Variants in ACOXL observed in about 807,000 individuals in gnomAD.
ACOXL encodes the protein acyl-coenzyme A oxidase-like protein.
In ACOXL, 70 loss-of-function variants were observed where a neutral mutation model predicts 71.9. That is an observed-to-expected ratio of 0.97 (90% CI 0.80 to 1.19). The LOEUF is 1.19. Among genes scored for constraint, ACOXL ranks in the 50% most tolerant of loss-of-function variants. The pLI is 0.00. For synonymous variants in ACOXL, 253 were observed against 281.6 expected (o/e 0.90, Z 1.02); for missense variants, 703 against 736.3 (o/e 0.95, Z 0.52).
At chr2:110,887,004 T>TGTCTGCA in intron 10 of ACOXL, 1 of 936,664 alleles carries the variant, frequency 1.1e-6, no homozygotes. Flanking sequence ...TGTGGCAAGA[T>TGTCTGCA]GTCTGCAGAG....
intron 16 of ACOXL, among the ~76,000 whole-genome samples, chr2:111,051,505 G>C (rs2066286865): frequency 6.6e-6 from 1 of 152,210 alleles, no homozygotes; most frequent in African/African-American, 2.4e-5. Context: ...GTCTTCTTCT[G>C]TCACCCAGGC....
At chr2:110,764,652 G>T (rs1234972784) in intron 1 of ACOXL, among the ~76,000 whole-genome samples, 1 of 152,162 alleles carries the variant, frequency 6.6e-6, no homozygotes, top group Non-Finnish European at 1.5e-5. Flanking sequence ...GTGAATTTGG[G>T]TGATAATGAT....
intron 3 of ACOXL, among the ~76,000 whole-genome samples, chr2:110,785,880 C>G (rs1683898820): frequency 6.6e-6 from 1 of 152,190 alleles, no homozygotes. Flanking sequence ...TTCACATTCC[C>G]ACCAACAGCA....
At chr2:110,862,489 A>G (rs1694070113) in intron 10 of ACOXL, among the ~76,000 whole-genome samples, 1 of 152,158 alleles carries the variant, frequency 6.6e-6, no homozygotes, top group Non-Finnish European at 1.5e-5. Context: ...AAAAAATTAA[A>G]AAGAAACAGA....
chr2:110,944,378 AG>A (rs2061015831), intron 12 of ACOXL, among the ~76,000 whole-genome samples: 1 of 151,812 alleles, frequency 6.6e-6, no homozygotes, highest in African/African-American at 2.4e-5. Context: ...TTCTAGGTTC[AG>A]GGTTACATTT....
At chr2:110,851,760 G>A (rs1692627371) in intron 10 of ACOXL, among the ~76,000 whole-genome samples, 1 of 152,234 alleles carries the variant, frequency 6.6e-6, no homozygotes, top group African/African-American at 2.4e-5. Flanking sequence ...CTGAGGCCAT[G>A]TTCCTGAAGG....
At chr2:110,912,902 CAATT>C (rs2059697635) in intron 11 of ACOXL, among the ~76,000 whole-genome samples, 1 of 152,040 alleles carries the variant, frequency 6.6e-6, no homozygotes, top group Non-Finnish European at 1.5e-5. Context: ...TGAATTCTTT[CAATT>C]CAACAATAAA....
intron 10 of ACOXL, among the ~76,000 whole-genome samples, chr2:110,845,056 G>C (rs1691644009): frequency 6.6e-6 from 1 of 152,212 alleles, no homozygotes; most frequent in South Asian, 2.1e-4. Context: ...TCAGCCATTT[G>C]TTTTAGTCTG....
At chr2:110,802,736 G>C (rs944635211) in intron 8 of ACOXL, among the ~76,000 whole-genome samples, 4 of 152,214 alleles carry the variant, frequency 2.6e-5, no homozygotes, top group East Asian at 3.8e-4. Flanking sequence ...GGGAAAGGTA[G>C]GGAGGAGGAG....
At chr2:110,929,624 G>T (rs1250038753) in intron 11 of ACOXL, among the ~76,000 whole-genome samples, 1 of 152,230 alleles carries the variant, frequency 6.6e-6, no homozygotes, top group African/African-American at 2.4e-5. Context: ...TACAGAGCAT[G>T]TCAGAGACCT....
At chr2:111,087,895 A>T (rs1193227981) in intron 16 of ACOXL, among the ~76,000 whole-genome samples, 2 of 152,198 alleles carry the variant, frequency 1.3e-5, no homozygotes, top group African/African-American at 4.8e-5. Context: ...TGCAAACTAT[A>T]CATCTGACAA....
intron 10 of ACOXL, among the ~76,000 whole-genome samples, chr2:110,857,404 TG>T (rs1361666155): frequency 1.3e-5 from 2 of 152,140 alleles, no homozygotes; most frequent in Non-Finnish European, 2.9e-5. Flanking sequence ...CAAGAAGCAT[TG>T]GGGTGACTGT....
intron 8 of ACOXL, among the ~76,000 whole-genome samples, chr2:110,804,935 C>G (rs551759216): frequency 6.6e-6 from 1 of 152,300 alleles, no homozygotes; most frequent in Non-Finnish European, 1.5e-5. Context: ...CGTGACTATA[C>G]TCAAATCCAT....
chr2:110,827,213 A>T (rs1242560067), intron 9 of ACOXL, among the ~76,000 whole-genome samples: 1 of 152,148 alleles, frequency 6.6e-6, no homozygotes, highest in Non-Finnish European at 1.5e-5. Flanking sequence ...GTGGGAAAGG[A>T]TCTATACACA....
rs548960373 is a variant in ACOXL, at chr2:110,760,390, C to T, written c.-22-7978C>T. On this transcript the variant is annotated intron_variant, in intron 1 of 17. Coordinates refer to ENST00000439055, the MANE Select transcript of ACOXL (RefSeq NM_001142807.4). ...CGATCTCCTGACCTCGTGATCCGCC[C>T]GCCTCAGCCTCCCAAAGTGCTGGGA... Among the ~76,000 whole-genome samples the T allele has an allele frequency of 7.2e-4, 109 of 152,176 alleles. 3 individuals carry two copies. In the South Asian group the frequency reaches 0.019, roughly 26 times the overall value.
intron 11 of ACOXL, among the ~76,000 whole-genome samples, chr2:110,931,576 T>C (rs1451340425): frequency 6.6e-6 from 1 of 152,302 alleles, no homozygotes; most frequent in African/African-American, 2.4e-5. Context: ...TAGAGAGCCC[T>C]GGGTTTAAAT....
chr2:111,042,040 C>A (rs536193193), intron 15 of ACOXL, among the ~76,000 whole-genome samples: 12 of 152,262 alleles, frequency 7.9e-5, no homozygotes, highest in African/African-American at 2.9e-4. Flanking sequence ...TCCTTCAGGC[C>A]CCCCAGCCCC....
chr2:110,821,981 G>A (rs563924968), intron 9 of ACOXL, among the ~76,000 whole-genome samples: 17 of 151,930 alleles, frequency 1.1e-4, no homozygotes, highest in African/African-American at 2.7e-4. Flanking sequence ...GTGTGCGTGC[G>A]TGTGTGTATG....
At chr2:110,979,614 G>C (rs566229925) in intron 12 of ACOXL, among the ~76,000 whole-genome samples, 5 of 152,158 alleles carry the variant, frequency 3.3e-5, no homozygotes, top group African/African-American at 1.2e-4. Context: ...AGATGGTGAC[G>C]GGAAGAGCAC....
Sources: gnomAD v4.1 joint callset for allele counts (sites outside exome capture counted in the v4.1 genomes callset) on GRCh38, gnomAD v4.1.1 for gene constraint, MANE v1.5 for transcripts, NCBI Gene and HGNC (gene_info 2026-07-23, HGNC 2026-07-21) for gene names.